The following USH2A variants were observed in gnomAD, a reference collection of about 807,000 sequenced individuals.
USH2A encodes Usher syndrome 2A (autosomal recessive, mild).
In USH2A, 443 loss-of-function variants were observed where a neutral mutation model predicts 538.9. The ratio of observed to expected loss-of-function variants is 0.82; its 90% CI spans 0.76 to 0.89. The LOEUF is 0.89. USH2A is among the 40% of genes least tolerant of loss of function. USH2A has a pLI of 0.00. For synonymous variants in USH2A, 2,413 were observed against 2,273.5 expected, an observed-to-expected ratio of 1.06 and a Z score of -1.75; for missense variants, 6,633 against 6,324.8, an observed-to-expected ratio of 1.05 and a Z score of -1.65.
At chr1:216,149,261 G>A (rs1246321274) in intron 21 of USH2A, among the ~76,000 whole-genome samples, 1 of 152,130 alleles carries the variant, frequency 6.6e-6, no homozygotes, top group Non-Finnish European at 1.5e-5. Context: ...TACCGGGTCT[G>A]AGAAGGCCAC....
intron 15 of USH2A, among the ~76,000 whole-genome samples, chr1:216,209,645 T>TAC (rs150447848): frequency 0.021 from 3,186 of 151,786 alleles, 116 homozygotes; most frequent in African/African-American, 0.072. Context: ...TTATACACCA[T>TAC]ACACACACAC....
intron 43 of USH2A, among the ~76,000 whole-genome samples, chr1:215,872,827 G>A (rs1312968573): frequency 1.3e-5 from 2 of 151,896 alleles, no homozygotes; most frequent in East Asian, 1.9e-4. Flanking sequence ...GGGAGAGCTG[G>A]TTGTTTAAGA....
intron 27 of USH2A, among the ~76,000 whole-genome samples, chr1:216,076,831 C>T (rs1441684098): frequency 6.6e-6 from 1 of 152,008 alleles, no homozygotes; most frequent in African/African-American, 2.4e-5. Flanking sequence ...AAATTTTAAC[C>T]ATTCAGGGTA....
chr1:216,375,510 A>G (rs1393018015), intron 3 of USH2A, among the ~76,000 whole-genome samples: 4 of 152,316 alleles, frequency 2.6e-5, no homozygotes, highest in African/African-American at 4.8e-5. Flanking sequence ...CAGCCTTCAC[A>G]TAATGGAATA....
intron 37 of USH2A, among the ~76,000 whole-genome samples, chr1:215,956,094 A>T (rs1667061476): frequency 6.6e-6 from 1 of 152,132 alleles, no homozygotes; most frequent in Admixed American, 6.6e-5. Context: ...TTCACAGCTG[A>T]CACTTTCCTA....
rs2039283314 is a variant in USH2A at position 216,400,225 on chromosome 1, T to C, written c.651+18289A>G. Among the ~76,000 whole-genome samples, 4 of 150,650 alleles carry C rather than the reference T, an allele frequency of 2.7e-5. No individual in the cohort carries two copies. The South Asian group carries it at 8.3e-4, about 31-fold the overall frequency. On this transcript the variant is annotated intron_variant, in intron 3 of 71. Coordinates refer to ENST00000307340, the MANE Select transcript of USH2A (RefSeq NM_206933.4). ...AGCATAGAAATAGAAGTTATATATA[T>C]ATATATATATATAAAAGATCCAAAC...
At chr1:216,049,521 CA>C (rs1296500489) in intron 30 of USH2A, among the ~76,000 whole-genome samples, 1 of 152,100 alleles carries the variant, frequency 6.6e-6, no homozygotes, top group Non-Finnish European at 1.5e-5. Context: ...TTTTTCAGAG[CA>C]ATCTTTAATC....
chr1:216,121,040 G>A (rs1388354340), intron 21 of USH2A, among the ~76,000 whole-genome samples: 1 of 152,100 alleles, frequency 6.6e-6, no homozygotes, highest in Non-Finnish European at 1.5e-5. Context: ...TAAAGTATTT[G>A]AACATTTATT....
At chr1:216,131,836 G>A (rs936940415) in intron 21 of USH2A, among the ~76,000 whole-genome samples, 1 of 151,972 alleles carries the variant, frequency 6.6e-6, no homozygotes, top group Admixed American at 6.6e-5. Flanking sequence ...ATTAATGATA[G>A]TAAATACTTA....
At chr1:216,049,562 A>T (rs1009680587) in intron 30 of USH2A, among the ~76,000 whole-genome samples, 2 of 152,182 alleles carry the variant, frequency 1.3e-5, no homozygotes, top group Non-Finnish European at 2.9e-5. Context: ...CTATTTTTAT[A>T]AAAAGATGGC....
At chr1:215,809,618 A>ACTACCAT (rs1662606674) in intron 49 of USH2A, among the ~76,000 whole-genome samples, 1 of 152,142 alleles carries the variant, frequency 6.6e-6, no homozygotes. Flanking sequence ...CTCTCTAAAA[A>ACTACCAT]CTACCATGCA....
intron 29 of USH2A, among the ~76,000 whole-genome samples, chr1:216,071,000 C>T (rs1442176465): frequency 6.6e-6 from 1 of 152,078 alleles, no homozygotes; most frequent in Non-Finnish European, 1.5e-5. Context: ...AAGCTGAGCC[C>T]CCTAATTTAA....
At chr1:216,101,638 A>G (rs1488936239) in intron 21 of USH2A, among the ~76,000 whole-genome samples, 1 of 152,228 alleles carries the variant, frequency 6.6e-6, no homozygotes, top group Non-Finnish European at 1.5e-5. Context: ...TTAAGCTGAA[A>G]CACTGACTAA....
chr1:215,885,227 A>G (rs994779761), intron 41 of USH2A, among the ~76,000 whole-genome samples: 2 of 120,778 alleles, frequency 1.7e-5, no homozygotes, highest in Non-Finnish European at 3.3e-5. Flanking sequence ...ATCTATTGAT[A>G]AAAAAAAACC....
chr1:216,253,549 C>T lies in USH2A; in HGVS notation c.1972-2451G>A, dbSNP rs17026451. On this transcript the variant is annotated intron_variant, in intron 11 of 71. Coordinates refer to ENST00000307340, the MANE Select transcript of USH2A (RefSeq NM_206933.4). ...AAATCTAGATAAGGCAGCCTATGACCCTAATTCCATCCCTGAATGACAGAA... is the reference window on the plus strand; with the variant it reads ...AAATCTAGATAAGGCAGCCTATGACTCTAATTCCATCCCTGAATGACAGAA... Among the ~76,000 whole-genome samples, 802 of 152,228 alleles carry T rather than the reference C, an allele frequency of 5.3e-3. 4 individuals carry two copies. Among genetic ancestry groups the T allele is most frequent in the African/African-American group, 0.019 (770 of 41,542 alleles).
chr1:215,946,099 A>C (rs574847228), intron 37 of USH2A, among the ~76,000 whole-genome samples: 1 of 152,310 alleles, frequency 6.6e-6, no homozygotes, highest in South Asian at 2.1e-4. Flanking sequence ...ACTTGGTGGA[A>C]GGCATTATTT....
In USH2A at chr1:215,858,941, G is replaced by A. The variant is rs564111389; in HGVS notation, c.8845+8066C>T. 8.5e-5 allele frequency among the ~76,000 whole-genome samples: 13 copies of A among 152,248 alleles called. No homozygotes were observed. The South Asian group carries it at 2.1e-3, about 24-fold the overall frequency. On this transcript the variant is annotated intron_variant, in intron 44 of 71. Transcript: ENST00000307340. ...TGGAGGCTAGAGGTTCGTGATCAAGGCGCCAGCAAATTTAGTTTCTGCTGA... is the reference window on the plus strand; with the variant it reads ...TGGAGGCTAGAGGTTCGTGATCAAGACGCCAGCAAATTTAGTTTCTGCTGA...
chr1:216,261,180 G>A (rs2036363528), intron 11 of USH2A, among the ~76,000 whole-genome samples: 1 of 151,830 alleles, frequency 6.6e-6, no homozygotes, highest in Non-Finnish European at 1.5e-5. Context: ...AATTAGAGAT[G>A]GAAGAAATCA....
At chr1:215,865,752 A>G (rs1664452862) in intron 44 of USH2A, among the ~76,000 whole-genome samples, 1 of 152,240 alleles carries the variant, frequency 6.6e-6, no homozygotes. Flanking sequence ...TATAAAAACC[A>G]GAGAAAGACA....
Sources: gnomAD v4.1 joint callset for allele counts (sites outside exome capture counted in the v4.1 genomes callset) on GRCh38, gnomAD v4.1.1 for gene constraint, MANE v1.5 for transcripts, NCBI Gene and HGNC (gene_info 2026-07-23, HGNC 2026-07-21) for gene names.